TLE4: variants seen among roughly 807,000 people sequenced by gnomAD.
TLE4 encodes the protein TLE family member 4, transcriptional corepressor.
TLE4 carries 8 observed loss-of-function variants against 92.8 expected under a neutral mutation model. The observed-to-expected ratio is 0.09, with a 90% CI of 0.05 to 0.16. The LOEUF is 0.16. Ranked by LOEUF, TLE4 falls within the 10% of genes least tolerant of loss-of-function variation. TLE4 has a pLI of 1.00. For missense variants in TLE4, 675 were observed against 997.6 expected (o/e 0.68, Z 4.36); for synonymous variants, 371 against 374.1 (o/e 0.99, Z 0.10).
At chr9:79,580,205 C>G (rs1320313895) in intron 4 of TLE4, 1 of 152,192 alleles carries the variant, frequency 6.6e-6, no homozygotes, top group African/African-American at 2.4e-5. Context: ...TGCTCGACAG[C>G]AAATCAATCG....
chr9:79,706,780 T>TC lies in TLE4; in HGVS notation c.822dup (p.Arg275GlnfsTer18). ...TTCCCCTCGAGGGAGCCCAGCACATTCCCCCAGAGAGAATGGCCTAGACAA... is the reference window on the plus strand; with the variant it reads ...TTCCCCTCGAGGGAGCCCAGCACATTCCCCCCAGAGAGAATGGCCTAGACAA... On this transcript the variant is annotated frameshift_variant, in exon 11 of 20. Coordinates refer to ENST00000376552, the MANE Select transcript of TLE4 (RefSeq NM_007005.6). LOFTEE classifies it high-confidence loss of function. The TC allele has an allele frequency of 6.2e-7, 1 of 1,613,882 alleles. No individual in the cohort carries two copies. The highest frequency in any genetic ancestry group is 8.5e-7 in the Non-Finnish European group (1 of 1,179,968).
intron 5 of TLE4, among the ~76,000 whole-genome samples, chr9:79,616,344 T>C (rs2049599177): frequency 6.6e-6 from 1 of 152,128 alleles, no homozygotes. Context: ...AATCATAGCG[T>C]GAAACACATC....
intron 6 of TLE4, among the ~76,000 whole-genome samples, chr9:79,646,700 A>G (rs953380423): frequency 6.6e-6 from 1 of 152,176 alleles, no homozygotes; most frequent in East Asian, 1.9e-4. Context: ...AAGTACAGAA[A>G]GGGGTCTCAT....
At chr9:79,662,841 G>C (rs1030803632) in intron 8 of TLE4, among the ~76,000 whole-genome samples, 1 of 152,190 alleles carries the variant, frequency 6.6e-6, no homozygotes, top group South Asian at 2.1e-4. Context: ...GTCTCCGTGT[G>C]TTCTTTCTCC....
intron 8 of TLE4, among the ~76,000 whole-genome samples, chr9:79,685,580 C>G (rs759318834): frequency 1.3e-5 from 2 of 152,100 alleles, no homozygotes; most frequent in African/African-American, 4.8e-5. Flanking sequence ...ACAGTGTTCA[C>G]CAGAATACTA....
intron 8 of TLE4, among the ~76,000 whole-genome samples, chr9:79,665,061 A>T (rs2061173418): frequency 6.6e-6 from 1 of 152,218 alleles, no homozygotes; most frequent in South Asian, 2.1e-4. Context: ...CGATTGCATT[A>T]GTACTGAAAG....
intron 4 of TLE4, among the ~76,000 whole-genome samples, chr9:79,578,132 G>C (rs2038500869): frequency 6.6e-6 from 1 of 152,002 alleles, no homozygotes; most frequent in African/African-American, 2.4e-5. Flanking sequence ...GTCTTTATTT[G>C]TTTTCCTAGG....
At chr9:79,647,306 A>C (rs940409597) in intron 6 of TLE4, among the ~76,000 whole-genome samples, 1 of 152,224 alleles carries the variant, frequency 6.6e-6, no homozygotes, top group Admixed American at 6.5e-5. Context: ...ATATAGAGAC[A>C]TATGACCATA....
At chr9:79,648,794 G>A (rs1266708406) in intron 6 of TLE4, among the ~76,000 whole-genome samples, 1 of 152,160 alleles carries the variant, frequency 6.6e-6, no homozygotes, top group African/African-American at 2.4e-5. Flanking sequence ...TGGGTTTTGT[G>A]TCACACATTT....
intron 6 of TLE4, chr9:79,627,664 ACTCTC>A (rs2052975132): frequency 1.7e-6 from 1 of 572,096 alleles, no homozygotes; most frequent in Non-Finnish European, 3.1e-6. Flanking sequence ...GTTCATGAAA[ACTCTC>A]CTCTAAGGAG....
At chr9:79,707,136 G>A in intron 11 of TLE4, 2 of 1,613,008 alleles carry the variant, frequency 1.2e-6, no homozygotes, top group African/African-American at 1.3e-5. Context: ...AGGGATATGG[G>A]GAAATTGAGT....
At chr9:79,630,743 A>C (rs529527866) in intron 6 of TLE4, among the ~76,000 whole-genome samples, 1 of 152,334 alleles carries the variant, frequency 6.6e-6, no homozygotes, top group Non-Finnish European at 1.5e-5. Flanking sequence ...TGACTATCTT[A>C]AAATGCTTTT....
At chr9:79,645,811 A>G (rs894787105) in intron 6 of TLE4, among the ~76,000 whole-genome samples, 1 of 152,218 alleles carries the variant, frequency 6.6e-6, no homozygotes, top group African/African-American at 2.4e-5. Context: ...TGAGTGGCCC[A>G]TCAAGGAAAT....
chr9:79,702,164 T>G (rs2070114592), intron 8 of TLE4, among the ~76,000 whole-genome samples: 1 of 152,130 alleles, frequency 6.6e-6, no homozygotes, highest in South Asian at 2.1e-4. Context: ...AGTGCTGATG[T>G]AGGATACAAG....
intron 8 of TLE4, among the ~76,000 whole-genome samples, chr9:79,666,216 TG>T (rs2061384876): frequency 4.1e-5 from 2 of 48,784 alleles, no homozygotes; most frequent in African/African-American, 9.6e-5. Context: ...TTTTTTTTTT[TG>T]TTTTTTTTTT....
At chr9:79,707,971 A>T in intron 11 of TLE4, 147 bp from the exon 12 acceptor site, 2 of 786,604 alleles carry the variant, frequency 2.5e-6, no homozygotes, top group Admixed American at 2.9e-5. Context: ...TTTCTTTGTT[A>T]ACTTTTCTAT....
chr9:79,633,067 A>G (rs771992284), intron 6 of TLE4, among the ~76,000 whole-genome samples: 11 of 152,076 alleles, frequency 7.2e-5, no homozygotes, highest in Non-Finnish European at 1.2e-4. Context: ...TAACTGGTTC[A>G]TTTGCCATGG....
intron 8 of TLE4, among the ~76,000 whole-genome samples, chr9:79,690,856 G>T (rs537562351): frequency 1.5e-5 from 2 of 133,698 alleles, no homozygotes; most frequent in African/African-American, 5.6e-5. Flanking sequence ...GTCTGGTCTC[G>T]AACTCTTGGA....
chr9:79,657,431 G>A (rs562676951), intron 8 of TLE4, among the ~76,000 whole-genome samples: 1 of 152,174 alleles, frequency 6.6e-6, no homozygotes, highest in Non-Finnish European at 1.5e-5. Context: ...TTTCTGAGGT[G>A]ATGGAATCTT....
Sources: gnomAD v4.1 joint callset for allele counts (sites outside exome capture counted in the v4.1 genomes callset) on GRCh38, gnomAD v4.1.1 for gene constraint, MANE v1.5 for transcripts, NCBI Gene and HGNC (gene_info 2026-07-23, HGNC 2026-07-21) for gene names.